The following XRN2 variants were observed in gnomAD, a reference collection of about 807,000 sequenced individuals.
XRN2 encodes 5'-3' exoribonuclease 2.
In XRN2, 44 loss-of-function variants were observed where a neutral mutation model predicts 138.5. The ratio of observed to expected loss-of-function variants is 0.32; its 90% CI spans 0.25 to 0.41. XRN2 has a LOEUF of 0.41. Ranked by LOEUF, XRN2 falls within the 10% of genes least tolerant of loss-of-function variation. The pLI is 1.00. For synonymous variants in XRN2, 354 were observed against 369.4 expected (o/e 0.96, Z 0.48); for missense variants, 937 against 1,169.3 (o/e 0.80, Z 2.90).
intron 1 of XRN2, among the ~76,000 whole-genome samples, chr20:21,325,202 A>G (rs1404162884): frequency 6.6e-6 from 1 of 152,202 alleles, no homozygotes; most frequent in Non-Finnish European, 1.5e-5. Flanking sequence ...GTGATGCTTT[A>G]TATGTGCTTG....
chr20:21,331,536 G>T, intron 6 of XRN2, 25 bp from the exon 7 acceptor site: 4 of 1,586,858 alleles, frequency 2.5e-6, no homozygotes, highest in Non-Finnish European at 3.4e-6. Flanking sequence ...GGGATAATCT[G>T]AAAGTGTTAA....
rs746624848 is a variant in XRN2 at position 21,332,270 on chromosome 20, T to C, written c.701-13T>C. The C allele has an allele frequency of 5.0e-6, 8 of 1,605,770 alleles. No homozygotes were observed. The highest frequency in any genetic ancestry group is 6.8e-6 in the Non-Finnish European group (8 of 1,176,892). The stretch of plus-strand genomic sequence containing the variant: ...ACTCACTGTTCGATGTTTTTCTCAT[T>C]GTTGATTGATAGCTGATCTCATTAT... On this transcript the variant is annotated splice_polypyrimidine_tract_variant and intron_variant, in intron 8 of 29. Transcript: ENST00000377191.
chr20:21,367,978 G>A (rs143488977), intron 26 of XRN2, among the ~76,000 whole-genome samples: 10 of 152,210 alleles, frequency 6.6e-5, no homozygotes, highest in East Asian at 5.8e-4. Context: ...CTACTAGTAC[G>A]AAATGAGAGA....
intron 27 of XRN2, among the ~76,000 whole-genome samples, chr20:21,369,344 T>C (rs2038737788): frequency 6.6e-6 from 1 of 152,254 alleles, no homozygotes; most frequent in Non-Finnish European, 1.5e-5. Context: ...CTTCCAAATC[T>C]TGGCTACTGT....
intron 4 of XRN2, among the ~76,000 whole-genome samples, chr20:21,329,953 T>C (rs150318654): frequency 5.7e-4 from 86 of 151,902 alleles, no homozygotes; most frequent in Non-Finnish European, 8.7e-4. Flanking sequence ...ATAATATCTT[T>C]TGTGTACCAT....
intron 24 of XRN2, among the ~76,000 whole-genome samples, chr20:21,363,651 G>A (rs2038662370): frequency 6.6e-6 from 1 of 152,160 alleles, no homozygotes; most frequent in South Asian, 2.1e-4. Flanking sequence ...CCATTTTTGT[G>A]TACTTAAAAT....
At chr20:21,331,414 C>G (rs896499961) in intron 6 of XRN2, 147 bp from the exon 7 acceptor site, 1 of 648,308 alleles carries the variant, frequency 1.5e-6, no homozygotes, top group African/African-American at 1.9e-5. Context: ...CACACACACA[C>G]ACACACACAC....
chr20:21,350,990 A>G (rs2038503465), intron 20 of XRN2, among the ~76,000 whole-genome samples: 1 of 152,216 alleles, frequency 6.6e-6, no homozygotes, highest in East Asian at 1.9e-4. Context: ...CAGAGAGAGA[A>G]GATGCATGGG....
intron 22 of XRN2, 36 bp downstream of exon 22, chr20:21,356,213 T>C (rs754256506): frequency 2.6e-6 from 4 of 1,541,726 alleles, no homozygotes; most frequent in Non-Finnish European, 3.5e-6. Context: ...GAAATGCACT[T>C]TTTAAAATTT....
Position 21,334,134 on chromosome 20 carries a change from A to T in XRN2, c.1182A>T (p.Leu394Phe). The change falls in exon 13 of 30, where the codon TTA (leucine) becomes TTT (phenylalanine). Residue 394 changes from leucine to phenylalanine, a missense_variant. Leu to Phe is a conservative substitution (Grantham distance 22). Coordinates refer to ENST00000377191, the MANE Select transcript of XRN2 (RefSeq NM_012255.5). ...VNLQRVQMIM[L>F]AVGEVEDSIF... The stretch of plus-strand genomic sequence containing the variant: ...TGCAAAGAGTACAGATGATCATGTT[A>T]GCAGTTGGTGAAGTTGAGGATAGCA... The T allele has an allele frequency of 6.2e-7, 1 of 1,614,012 alleles. No homozygotes were observed.
chr20:21,330,754 G>C (rs1386653953), intron 6 of XRN2, 49 bp downstream of exon 6: 1 of 1,522,256 alleles, frequency 6.6e-7, no homozygotes, highest in South Asian at 1.1e-5. Context: ...GATCATTCGA[G>C]GCTGTACTTT....
chr20:21,315,492 CTCTTCCCCCTTTTTTTTGAGACAG>C (rs1379863712), intron 1 of XRN2, among the ~76,000 whole-genome samples: 1 of 152,082 alleles, frequency 6.6e-6, no homozygotes, highest in Non-Finnish European at 1.5e-5. Context: ...TCTTTGTCTC[CTCTTCCCCCTTTTTTTTGAGACAG>C]GGTTTCACTC....
At chr20:21,375,752 A>G (rs1176786776) in intron 27 of XRN2, among the ~76,000 whole-genome samples, 1 of 151,938 alleles carries the variant, frequency 6.6e-6, no homozygotes, top group Non-Finnish European at 1.5e-5. Flanking sequence ...ACCAATTTGT[A>G]CTTCCTACAA....
intron 17 of XRN2, among the ~76,000 whole-genome samples, chr20:21,346,850 C>CTCG (rs2038442825): frequency 6.6e-6 from 1 of 152,020 alleles, no homozygotes; most frequent in Admixed American, 6.6e-5. Flanking sequence ...AACTCCTGAC[C>CTCG]TCGTGATCCG....
chr20:21,365,483 G>C lies in XRN2; in HGVS notation c.2318G>C (p.Gly773Ala). The C allele has an allele frequency of 6.2e-7, 1 of 1,613,728 alleles. No homozygotes were observed. The change falls in exon 25 of 30, where the codon GGA becomes GCA. Residue 773 changes from glycine to alanine, a missense_variant. By Grantham distance (60) the Gly-to-Ala change is moderately conservative. Transcript: ENST00000377191. ...ATTTTTAAAGCTGTAATGCTTCCAG[G>C]AGCAAGGTAACAACAGTAAATTACC... Reference protein sequence around the residue: ...DYIFKAVMLPGARKPAAVLKP... With the variant: ...DYIFKAVMLPAARKPAAVLKP...
chr20:21,368,429 C>A (rs1568594485), intron 26 of XRN2, 34 bp from the exon 27 acceptor site: 13 of 1,611,186 alleles, frequency 8.1e-6, no homozygotes, highest in Non-Finnish European at 1.1e-5. Flanking sequence ...TATCACTATA[C>A]AATTTTTTTT....
intron 27 of XRN2, among the ~76,000 whole-genome samples, chr20:21,378,757 C>T (rs1264703600): frequency 6.6e-6 from 1 of 152,152 alleles, no homozygotes; most frequent in East Asian, 1.9e-4. Flanking sequence ...GTATCATAAT[C>T]ATTTTCTTCG....
intron 1 of XRN2, among the ~76,000 whole-genome samples, chr20:21,313,773 A>G (rs892394902): frequency 2.6e-5 from 4 of 152,078 alleles, no homozygotes; most frequent in African/African-American, 7.2e-5. Context: ...TCTCTCTTCC[A>G]TTTCATTGAG....
chr20:21,303,936 C>T (rs1161291395), intron 1 of XRN2: 4 of 858,464 alleles, frequency 4.7e-6, no homozygotes, highest in East Asian at 1.2e-4. Context: ...GCGACCTTTT[C>T]GTTGTTTACC....
Sources: gnomAD v4.1 joint callset for allele counts (sites outside exome capture counted in the v4.1 genomes callset) on GRCh38, gnomAD v4.1.1 for gene constraint, MANE v1.5 for transcripts, NCBI Gene and HGNC (gene_info 2026-07-23, HGNC 2026-07-21) for gene names.